PGLYRP4: variants seen among roughly 807,000 people sequenced by gnomAD.
PGLYRP4 encodes the protein peptidoglycan recognition protein 4.
A neutral mutation model predicts 41.2 loss-of-function variants in PGLYRP4; 39 were observed. That is an observed-to-expected ratio of 0.95 (90% CI 0.73 to 1.24). PGLYRP4 has a LOEUF of 1.24. PGLYRP4 is among the 50% of genes most tolerant of loss of function. PGLYRP4 has a pLI of 0.00. For missense variants in PGLYRP4, 467 were observed against 460.7 expected (o/e 1.01, Z -0.13); for synonymous variants, 202 against 186.8 (o/e 1.08, Z -0.66).
Position 153,345,402 on chromosome 1 carries a change from G to A in PGLYRP4, c.140-20C>T, listed in dbSNP as rs893018961. 3 of 1,603,518 alleles carry A rather than the reference G, an allele frequency of 1.9e-6. No homozygotes were observed. Among genetic ancestry groups the A allele is most frequent in the African/African-American group, 1.3e-5 (1 of 74,730 alleles). The stretch of plus-strand genomic sequence containing the variant: ...GAAGGCCTTGGGGACGTCACTCAGC[G>A]CACCTGCCCCATCACTACCGCATTA... On this transcript the variant is annotated intron_variant, in intron 3 of 8. Transcript: ENST00000359650.
chr1:153,338,378 C>G (rs1348358028), intron 7 of PGLYRP4, among the ~76,000 whole-genome samples: 1 of 152,196 alleles, frequency 6.6e-6, no homozygotes, highest in Admixed American at 6.5e-5. Context: ...CTCAGTCCTG[C>G]CTGGATTGCT....
intron 2 of PGLYRP4, among the ~76,000 whole-genome samples, chr1:153,347,458 C>T (rs1661064540): frequency 6.6e-6 from 1 of 152,206 alleles, no homozygotes; most frequent in Non-Finnish European, 1.5e-5. Context: ...CAACCTCCAT[C>T]TCCTGGCTTC....
chr1:153,340,851 C>G (rs188878279), intron 6 of PGLYRP4, among the ~76,000 whole-genome samples: 20 of 152,190 alleles, frequency 1.3e-4, no homozygotes, highest in Admixed American at 6.5e-4. Context: ...TTTATGTTAA[C>G]AGATGGCACC....
intron 8 of PGLYRP4, among the ~76,000 whole-genome samples, chr1:153,336,186 C>G (rs1660552132): frequency 6.6e-6 from 1 of 151,588 alleles, no homozygotes; most frequent in African/African-American, 2.4e-5. Flanking sequence ...GTCTGGCCAA[C>G]ATGATGAAAG....
intron 8 of PGLYRP4, among the ~76,000 whole-genome samples, chr1:153,336,514 G>A (rs1352254757): frequency 6.6e-6 from 1 of 151,930 alleles, no homozygotes; most frequent in East Asian, 1.9e-4. Flanking sequence ...TCACTTATAA[G>A]TGAAAGCTAA....
rs750203517 is a variant in PGLYRP4 at position 153,341,669 on chromosome 1, C to A, written c.583G>T (p.Glu195Ter). Residue 195 changes from glutamate (E) to a stop codon, truncating the protein, a stop_gained, in exon 6 of 9, where the codon GAG (glutamate) becomes TAG (stop). Coordinates refer to ENST00000359650, the MANE Select transcript of PGLYRP4 (RefSeq NM_020393.4). LOFTEE classifies it high-confidence loss of function. ...TTCTGCCGAGGGGCCAGGCAGTTCT[C>A]GCCTTTCCCAAGAAGTGGCTGAACA... Reference protein sequence around the residue: ...SYVQPLLGKGENCLAPRQKTS... With the variant: ...SYVQPLLGKG 1 of 1,613,634 alleles carries A rather than the reference C, an allele frequency of 6.2e-7. No individual in the cohort carries two copies. The highest frequency in any genetic ancestry group is 8.5e-7 in the Non-Finnish European group (1 of 1,179,998).
At chr1:153,344,885 G>A (rs76429571) in intron 4 of PGLYRP4, 5,422 of 288,844 alleles carry the variant, frequency 0.019, 247 homozygotes, top group East Asian at 0.16. Context: ...TGAGGAAGTC[G>A]TTTGCAATCT....
chr1:153,333,493 T>A (rs2117130), intron 8 of PGLYRP4, among the ~76,000 whole-genome samples: 1 of 151,864 alleles, frequency 6.6e-6, no homozygotes, highest in Non-Finnish European at 1.5e-5. Context: ...TTCTACCAGA[T>A]GTAAAAGGAA....
At chr1:153,347,766 T>C (rs1360848176) in intron 2 of PGLYRP4, 118 bp downstream of exon 2, 1 of 743,538 alleles carries the variant, frequency 1.3e-6, no homozygotes, top group Non-Finnish European at 2.4e-6. Flanking sequence ...GGATCTCGGC[T>C]CACTGCAGCC....
chr1:153,338,834 AT>A, intron 7 of PGLYRP4, among the ~76,000 whole-genome samples: 1 of 152,102 alleles, frequency 6.6e-6, no homozygotes, highest in Admixed American at 6.5e-5. Flanking sequence ...TCTACCCTCC[AT>A]GTGTCCCCTA....
At chr1:153,343,239 C>A in intron 4 of PGLYRP4, 31 bp from the exon 5 acceptor site, 2 of 1,479,228 alleles carry the variant, frequency 1.4e-6, no homozygotes, top group Admixed American at 1.7e-5. Flanking sequence ...GGTTTCATGG[C>A]TGGCACTGTA....
At chr1:153,343,912 A>T (rs1326215767) in intron 4 of PGLYRP4, among the ~76,000 whole-genome samples, 5 of 152,240 alleles carry the variant, frequency 3.3e-5, no homozygotes, top group Admixed American at 3.3e-4. Context: ...CTTCACCCTC[A>T]TACAATTGGC....
chr1:153,330,725 A>AC lies in PGLYRP4; in HGVS notation c.*41dup. ...GGATGGTTAGGACAGGAGAGACCTGACAGGGGAGGGAAAGCAGTCTCAGAA... is the reference window on the plus strand; with the variant it reads ...GGATGGTTAGGACAGGAGAGACCTGACCAGGGGAGGGAAAGCAGTCTCAGAA... On this transcript the variant is annotated 3_prime_UTR_variant, in exon 9 of 9. Transcript: ENST00000359650. 1 of 1,570,964 alleles carries AC rather than the reference A, an allele frequency of 6.4e-7. No homozygotes were observed. Among genetic ancestry groups the AC allele is most frequent in the Non-Finnish European group, 8.7e-7 (1 of 1,145,800 alleles).
rs756830826 is a variant in PGLYRP4 at position 153,343,144 on chromosome 1, T to C, written c.418A>G (p.Thr140Ala). ...AGGGAGATGTTGTTGTAGCCTTGGG[T>C]GTGCACTCCTTGGATATTCCAGCCA... ...GVGWNIQGVH[T>A]QGYNNISLGF... Residue 140 changes from threonine (T) to alanine (A), a missense_variant, in exon 5 of 9, where the codon ACC (threonine) becomes GCC (alanine). Physicochemically the swap from Thr to Ala is moderately conservative, Grantham distance 58. Coordinates refer to ENST00000359650, the MANE Select transcript of PGLYRP4 (RefSeq NM_020393.4). 4 of 1,613,992 alleles carry C rather than the reference T, an allele frequency of 2.5e-6. No homozygotes were observed. The highest frequency in any genetic ancestry group is 3.4e-6 in the Non-Finnish European group (4 of 1,179,886).
intron 7 of PGLYRP4, among the ~76,000 whole-genome samples, chr1:153,339,396 G>A (rs1660700194): frequency 6.6e-6 from 1 of 152,282 alleles, no homozygotes; most frequent in African/African-American, 2.4e-5. Flanking sequence ...GAGAGCAAGG[G>A]GCCAGAGAGG....
intron 8 of PGLYRP4, 127 bp downstream of exon 8, chr1:153,337,054 G>T: frequency 1.3e-6 from 1 of 784,392 alleles, no homozygotes. Context: ...ATGTTGGATT[G>T]GAAGCTGGGT....
intron 7 of PGLYRP4, among the ~76,000 whole-genome samples, chr1:153,339,570 G>C (rs1660708379): frequency 6.6e-6 from 1 of 152,192 alleles, no homozygotes; most frequent in Non-Finnish European, 1.5e-5. Context: ...GAATTTTCCT[G>C]ATGGGATGTT....
intron 8 of PGLYRP4, 124 bp from the exon 9 acceptor site, chr1:153,331,069 C>A: frequency 5.7e-6 from 4 of 701,216 alleles, no homozygotes; most frequent in Admixed American, 3.1e-5. Context: ...TCCCTAGAGA[C>A]AGGCAAAAAA....
intron 8 of PGLYRP4, among the ~76,000 whole-genome samples, chr1:153,334,468 T>TATATATATATTTATATATATATA (rs1275488427): frequency 2.1e-5 from 3 of 142,524 alleles, no homozygotes; most frequent in Non-Finnish European, 4.6e-5. Context: ...ATATATTTAT[T>TATATATATATTTATATATATATA]TATATATATT....
Sources: gnomAD v4.1 joint callset for allele counts (sites outside exome capture counted in the v4.1 genomes callset) on GRCh38, gnomAD v4.1.1 for gene constraint, MANE v1.5 for transcripts, NCBI Gene and HGNC (gene_info 2026-07-23, HGNC 2026-07-21) for gene names.